The following BRAF variants were observed in gnomAD, a reference collection of about 807,000 sequenced individuals.
BRAF encodes B-Raf proto-oncogene, serine/threonine kinase.
BRAF carries 16 observed loss-of-function variants against 104.6 expected under a neutral mutation model. That is an observed-to-expected ratio of 0.15 (90% CI 0.10 to 0.23). The LOEUF (loss-of-function observed/expected upper bound fraction) is 0.23, where lower values mean the gene tolerates loss of function less well. Among genes scored for constraint, BRAF ranks in the 10% least tolerant of loss-of-function variants. BRAF has a pLI of 1.00. For synonymous variants in BRAF, 310 were observed against 341.6 expected (o/e 0.91, Z 1.02); for missense variants, 541 against 937.3 (o/e 0.58, Z 5.52).
At chr7:140,795,367 T>A (rs777875815) in intron 7 of BRAF, among the ~76,000 whole-genome samples, 5 of 152,136 alleles carry the variant, frequency 3.3e-5, no homozygotes, top group African/African-American at 4.8e-5. Context: ...ATAGATGAGG[T>A]AAGCTGTCTC....
chr7:140,755,852 G>C (rs1173325854), intron 14 of BRAF, among the ~76,000 whole-genome samples: 2 of 151,864 alleles, frequency 1.3e-5, no homozygotes, highest in Non-Finnish European at 2.9e-5. Context: ...CCTGCACTCA[G>C]AGAGACCTGG....
intron 17 of BRAF, among the ~76,000 whole-genome samples, chr7:140,747,994 G>A (rs1460251679): frequency 6.6e-6 from 1 of 152,178 alleles, no homozygotes; most frequent in Admixed American, 6.5e-5. Flanking sequence ...GAAGTAGTTA[G>A]AAAGGCCAAC....
At chr7:140,767,949 C>T (rs1230737689) in intron 14 of BRAF, among the ~76,000 whole-genome samples, 2 of 152,014 alleles carry the variant, frequency 1.3e-5, no homozygotes, top group South Asian at 2.1e-4. Flanking sequence ...TTTAAGAAAC[C>T]CCACAGAACA....
At chr7:140,727,344 T>G (rs997703088) in intron 19 of BRAF, among the ~76,000 whole-genome samples, 11 of 151,672 alleles carry the variant, frequency 7.3e-5, no homozygotes, top group Admixed American at 7.2e-4. Context: ...CCACCAGGCC[T>G]GGCTAATTTT....
intron 1 of BRAF, among the ~76,000 whole-genome samples, chr7:140,850,677 G>A (rs979349639): frequency 1.3e-5 from 2 of 152,054 alleles, no homozygotes; most frequent in South Asian, 2.1e-4. Flanking sequence ...GTCTCTCCAC[G>A]TCAATATGCA....
At chr7:140,851,803 G>A (rs1809188211) in intron 1 of BRAF, among the ~76,000 whole-genome samples, 1 of 152,082 alleles carries the variant, frequency 6.6e-6, no homozygotes, top group Non-Finnish European at 1.5e-5. Flanking sequence ...GTTTTAATTT[G>A]TATTTCTTAC....
intron 4 of BRAF, 58 bp from the exon 5 acceptor site, chr7:140,808,120 C>T (rs749658736): frequency 1.6e-4 from 213 of 1,330,120 alleles, no homozygotes; most frequent in Non-Finnish European, 2.2e-4. Context: ...ATTCATATAC[C>T]TCATGCTGAA....
rs1795474863 is a variant in BRAF, at chr7:140,724,278, T to A, written c.*2216A>T. The A allele has an allele frequency of 1.3e-5, 14 of 1,058,046 alleles. No homozygotes were observed. The highest frequency in any genetic ancestry group is 1.4e-5 in the Non-Finnish European group (12 of 874,818). The allele number at this position is 1,058,046 out of a possible 1,614,324, so 65.5% of individuals were successfully genotyped here. ...CCTCCTCAGCAGGACATGAAACACA[T>A]CCTCTTGTTCAAGCCCAGGTCTCTC... On this transcript the variant is annotated 3_prime_UTR_variant, in exon 20 of 20. Coordinates refer to ENST00000644969, the MANE Select transcript of BRAF (RefSeq NM_001374258.1).
In BRAF at chr7:140,725,958, A is replaced by G. The variant is rs1172224054; in HGVS notation, c.*536T>C. 4 of 1,065,806 alleles carry G rather than the reference A, an allele frequency of 3.8e-6. No individual in the cohort carries two copies. The highest frequency in any genetic ancestry group is 4.5e-6 in the Non-Finnish European group (4 of 879,948). The allele number at this position is 1,065,806 out of a possible 1,614,324, so 66.0% of individuals were successfully genotyped here. A position where few individuals can be genotyped will look rare whatever the true frequency, so the allele number is the denominator to read the frequency against. On this transcript the variant is annotated 3_prime_UTR_variant, in exon 20 of 20. Transcript: ENST00000644969. ...AAAATCTGTCAAGGCCTGAACACGC[A>G]CCACATAGAAAGGGCAAGCTGCATT...
intron 3 of BRAF, among the ~76,000 whole-genome samples, chr7:140,832,200 ATCTAAG>A (rs1483656234): frequency 4.6e-5 from 7 of 152,204 alleles, no homozygotes; most frequent in Admixed American, 6.5e-5. Flanking sequence ...TGGACTACAA[ATCTAAG>A]TCCACTTTAA....
chr7:140,924,786 C>T lies in BRAF; in HGVS notation c.-83G>A. On this transcript the variant is annotated 5_prime_UTR_variant, in exon 1 of 20. Transcript: ENST00000644969. This position sits in a 1 kb window ranked among gnomAD's most constrained non-coding sequence, Gnocchi z 4.2. ...GGCGGAGAGCTGGGGGAGGCGGAGG[C>T]GGAGGCGGAGGCGGAGGAGCGGGGG... 2.1e-6 allele frequency: 1 copy of T among 470,054 alleles called. No individual in the cohort carries two copies. The highest frequency in any genetic ancestry group is 3.2e-5 in the South Asian group (1 of 31,692). 29.1% of individuals were successfully genotyped at this position (470,054 alleles called of 1,614,324 possible). A position where few individuals can be genotyped will look rare whatever the true frequency, so the allele number is the denominator to read the frequency against.
chr7:140,805,856 T>A (rs1402192060), intron 5 of BRAF, among the ~76,000 whole-genome samples: 1 of 152,188 alleles, frequency 6.6e-6, no homozygotes, highest in African/African-American at 2.4e-5. Context: ...CAAGAACACT[T>A]TTCCTTTCTA....
intron 1 of BRAF, among the ~76,000 whole-genome samples, chr7:140,865,626 A>T (rs1333283172): frequency 6.6e-6 from 1 of 152,182 alleles, no homozygotes; most frequent in Non-Finnish European, 1.5e-5. Context: ...GACTGTGATG[A>T]AACAAATAGT....
At position 140,777,206 on chromosome 7, in the gene BRAF, A is replaced by T. The variant is rs7806794; in HGVS notation, c.1638-118T>A. On this transcript the variant is annotated intron_variant, in intron 13 of 19. Coordinates refer to ENST00000644969, the MANE Select transcript of BRAF (RefSeq NM_001374258.1). ...TGTCAGAAAAAGCTTTTTTTTTTTTAAAAAAGGCAACAAAAGGATACATTT... is the reference window on the plus strand; with the variant it reads ...TGTCAGAAAAAGCTTTTTTTTTTTTTAAAAAGGCAACAAAAGGATACATTT... The T allele has an allele frequency of 0.1, 98,588 of 965,840 alleles. 6,440 individuals are homozygous for T. The highest frequency in any genetic ancestry group is 0.44 in the African/African-American group (25,892 of 59,470). The allele number at this position is 965,840 out of a possible 1,614,324, so 59.8% of individuals were successfully genotyped here.
Position 140,721,193 on chromosome 7 carries a change from T to C in BRAF, c.*5301A>G. 1 of 1,072,460 alleles carries C rather than the reference T, an allele frequency of 9.3e-7. No homozygotes were observed. The highest frequency in any genetic ancestry group is 4.5e-5 in the South Asian group (1 of 21,998). The allele number at this position is 1,072,460 out of a possible 1,614,324, so 66.4% of individuals were successfully genotyped here. On this transcript the variant is annotated 3_prime_UTR_variant, in exon 20 of 20. Transcript: ENST00000644969. ...AGCTAAATAAATGTCAACATTTTAA[T>C]AAAGCTGATTTAGTAATTAATAAAA...
chr7:140,738,585 A>T (rs1796637979), intron 18 of BRAF, among the ~76,000 whole-genome samples: 1 of 152,122 alleles, frequency 6.6e-6, no homozygotes, highest in Non-Finnish European at 1.5e-5. Context: ...ACTACAGCTA[A>T]ACTCTGTAAG....
At chr7:140,854,492 C>A (rs1221082020) in intron 1 of BRAF, among the ~76,000 whole-genome samples, 1 of 147,924 alleles carries the variant, frequency 6.8e-6, no homozygotes, top group Non-Finnish European at 1.5e-5. Context: ...CCCACACTCC[C>A]TTTTTTTTTT....
chr7:140,847,805 C>T (rs770321366), intron 2 of BRAF, among the ~76,000 whole-genome samples: 2 of 151,906 alleles, frequency 1.3e-5, no homozygotes, highest in African/African-American at 4.8e-5. Context: ...GAAACTAAGC[C>T]AGAGTTGGGA....
At chr7:140,842,918 ATGG>A (rs1808123936) in intron 2 of BRAF, among the ~76,000 whole-genome samples, 1 of 152,224 alleles carries the variant, frequency 6.6e-6, no homozygotes, top group African/African-American at 2.4e-5. Flanking sequence ...AGGATTTCTG[ATGG>A]TGGTGTAACC....
Sources: allele counts gnomAD v4.1 joint callset (sites outside exome capture counted in the v4.1 genomes callset), GRCh38; gene constraint gnomAD v4.1.1; non-coding constraint Gnocchi (gnomAD v3.1); transcripts MANE v1.5; gene names NCBI Gene and HGNC (gene_info 2026-07-23, HGNC 2026-07-21).